TBC1D8: variants seen among roughly 807,000 people sequenced by gnomAD.
TBC1D8 encodes the protein BUB2-like protein 1.
In TBC1D8, 65 loss-of-function variants were observed where a neutral mutation model predicts 118.8. That is an observed-to-expected ratio of 0.55 (90% CI 0.45 to 0.67). The LOEUF (loss-of-function observed/expected upper bound fraction) is 0.67, where lower values mean the gene tolerates loss of function less well. Among genes scored for constraint, TBC1D8 ranks in the 30% least tolerant of loss-of-function variants. The pLI, the probability that TBC1D8 is intolerant of heterozygous loss-of-function variation, is 0.00. For missense variants in TBC1D8, 1,376 were observed against 1,471.2 expected (o/e 0.94, Z 1.06); for synonymous variants, 566 against 595.8 (o/e 0.95, Z 0.73).
At position 101,093,391 on chromosome 2, in the gene TBC1D8, G is replaced by A. The variant is rs527946465; in HGVS notation, c.128-3027C>T. 1.6e-3 allele frequency among the ~76,000 whole-genome samples: 243 copies of A among 152,146 alleles called. 2 individuals carry two copies. Among genetic ancestry groups the A allele is most frequent in the Admixed American group, 3.3e-3 (50 of 15,282 alleles). ...TACACACACACATATACATGTATTT[G>A]TTGACACATTTACATGTATTTGCAT... On this transcript the variant is annotated intron_variant, in intron 1 of 19. Transcript: ENST00000409318.
At chr2:101,035,563 G>C (rs1381726245) in intron 9 of TBC1D8, among the ~76,000 whole-genome samples, 1 of 152,174 alleles carries the variant, frequency 6.6e-6, no homozygotes, top group African/African-American at 2.4e-5. Context: ...TGCCTCTGGT[G>C]CCCGCCATGT....
chr2:101,055,151 AGACG>A (rs1682346373), intron 3 of TBC1D8, among the ~76,000 whole-genome samples: 1 of 151,150 alleles, frequency 6.6e-6, no homozygotes, highest in African/African-American at 2.4e-5. Flanking sequence ...GCACTTTGGG[AGACG>A]GAGGTGGGCA....
intron 12 of TBC1D8, 24 bp downstream of exon 12, chr2:101,029,467 C>T: frequency 6.2e-7 from 1 of 1,601,046 alleles, no homozygotes; most frequent in Non-Finnish European, 8.5e-7. Context: ...CTCTGGTTGG[C>T]CACAGAGGTG....
chr2:101,102,525 T>A (rs1574037472), intron 1 of TBC1D8, among the ~76,000 whole-genome samples: 1 of 142,550 alleles, frequency 7.0e-6, no homozygotes, highest in Non-Finnish European at 1.5e-5. Context: ...ATTTTCAGAG[T>A]GGATTAAAAA....
intron 5 of TBC1D8, among the ~76,000 whole-genome samples, chr2:101,048,079 G>GT (rs1384100019): frequency 3.9e-5 from 6 of 152,164 alleles, no homozygotes; most frequent in African/African-American, 1.4e-4. Context: ...CAACTACACG[G>GT]TTGCACTCAC....
intron 5 of TBC1D8, among the ~76,000 whole-genome samples, chr2:101,041,216 C>T (rs1264073484): frequency 1.3e-5 from 2 of 152,200 alleles, no homozygotes; most frequent in African/African-American, 2.4e-5. Context: ...GAACTGAAAA[C>T]GTGTGTCTTG....
At chr2:101,017,129 G>C (rs1296416350) in intron 17 of TBC1D8, among the ~76,000 whole-genome samples, 1 of 151,420 alleles carries the variant, frequency 6.6e-6, no homozygotes, top group African/African-American at 2.4e-5. Context: ...CACAGGGTCA[G>C]GATCGTCAAT....
intron 1 of TBC1D8, among the ~76,000 whole-genome samples, chr2:101,149,941 C>G (rs765492990): frequency 4.6e-5 from 7 of 152,234 alleles, no homozygotes; most frequent in Non-Finnish European, 8.8e-5. Context: ...AGAATCCTAA[C>G]TACACTCTGC....
intron 1 of TBC1D8, among the ~76,000 whole-genome samples, chr2:101,118,645 C>T (rs1212103528): frequency 1.4e-5 from 2 of 145,470 alleles, no homozygotes; most frequent in Admixed American, 7.2e-5. Flanking sequence ...TGCAGTGAGC[C>T]GAGATGGCGC....
intron 1 of TBC1D8, among the ~76,000 whole-genome samples, chr2:101,102,911 C>G (rs182794807): frequency 6.6e-6 from 1 of 151,892 alleles, no homozygotes; most frequent in Non-Finnish European, 1.5e-5. Flanking sequence ...ATACTTTCAC[C>G]GGTGAATACT....
intron 2 of TBC1D8, among the ~76,000 whole-genome samples, chr2:101,076,847 G>A (rs778473487): frequency 3.9e-5 from 6 of 152,144 alleles, no homozygotes; most frequent in Non-Finnish European, 7.3e-5. Flanking sequence ...TGATGTATTA[G>A]TCTGTTCCCA....
intron 15 of TBC1D8, among the ~76,000 whole-genome samples, chr2:101,024,809 C>T (rs893332274): frequency 6.6e-6 from 1 of 152,176 alleles, no homozygotes; most frequent in Non-Finnish European, 1.5e-5. Context: ...GGAACCCATT[C>T]TACAGAATCA....
At chr2:101,071,261 T>C (rs940466966) in intron 2 of TBC1D8, among the ~76,000 whole-genome samples, 1 of 152,012 alleles carries the variant, frequency 6.6e-6, no homozygotes, top group Non-Finnish European at 1.5e-5. Flanking sequence ...AGGAGAATGG[T>C]GTGAACCCGG....
At chr2:101,126,430 A>G (rs548186258) in intron 1 of TBC1D8, among the ~76,000 whole-genome samples, 1 of 152,322 alleles carries the variant, frequency 6.6e-6, no homozygotes, top group East Asian at 1.9e-4. Context: ...TGCTGGGTAC[A>G]TATGTCCTGC....
Position 101,018,998 on chromosome 2 carries a change from T to TA in TBC1D8, c.2827+2682_2827+2683insT, listed in dbSNP as rs770009677. ...ATCATCTGTAATATTTCTGTGCTAGTTTCTGTGCTAAACAGTGTTACAGTC... is the reference window on the plus strand; with the variant it reads ...ATCATCTGTAATATTTCTGTGCTAGTATTCTGTGCTAAACAGTGTTACAGTC... On this transcript the variant is annotated intron_variant, in intron 17 of 19. Coordinates refer to ENST00000409318, the MANE Select transcript of TBC1D8 (RefSeq NM_001330348.2). The TA allele has an allele frequency of 1.9e-6, 3 of 1,612,460 alleles. No homozygotes were observed. In the Admixed American group the frequency reaches 5.0e-5, roughly 27 times the overall value.
intron 3 of TBC1D8, among the ~76,000 whole-genome samples, chr2:101,055,099 C>T (rs1318705318): frequency 2.6e-5 from 4 of 151,936 alleles, no homozygotes; most frequent in Non-Finnish European, 4.4e-5. Flanking sequence ...AAAAGTTAGT[C>T]CTTTGAGCGT....
intron 2 of TBC1D8, among the ~76,000 whole-genome samples, chr2:101,066,526 A>T (rs1303589534): frequency 1.3e-5 from 2 of 152,218 alleles, no homozygotes; most frequent in African/African-American, 4.8e-5. Flanking sequence ...AAAAATAACT[A>T]ATTAAATAGT....
Position 101,008,705 on chromosome 2 carries a change from G to C in TBC1D8, c.3016-432C>G, listed in dbSNP as rs145664930. Among the ~76,000 whole-genome samples, 1,305 of 152,198 alleles carry C rather than the reference G, an allele frequency of 8.6e-3. 16 individuals are homozygous for C. Among genetic ancestry groups the C allele is most frequent in the African/African-American group, 0.029 (1,214 of 41,524 alleles). ...CCCATGCCTGCAATCCCAGCTACTT[G>C]GGAGGCTGAGGCAGGAGAATCGCTT... is the stretch of plus-strand genomic sequence containing the variant. On this transcript the variant is annotated intron_variant, in intron 19 of 19. Transcript: ENST00000409318.
chr2:101,107,009 T>C (rs999059482), intron 1 of TBC1D8, among the ~76,000 whole-genome samples: 2 of 152,202 alleles, frequency 1.3e-5, no homozygotes, highest in East Asian at 3.8e-4. Context: ...TTTTTGACGA[T>C]GATATTTTCA....
Sources: allele counts gnomAD v4.1 joint callset (sites outside exome capture counted in the v4.1 genomes callset), GRCh38; gene constraint gnomAD v4.1.1; transcripts MANE v1.5; gene names NCBI Gene and HGNC (gene_info 2026-07-23, HGNC 2026-07-21).